Variants in SNX29 observed in about 807,000 individuals in gnomAD.
SNX29 encodes the protein sorting nexin-29.
SNX29 carries 78 observed loss-of-function variants against 102.1 expected under a neutral mutation model. The observed-to-expected ratio is 0.76, with a 90% CI of 0.64 to 0.92. The LOEUF (loss-of-function observed/expected upper bound fraction) is 0.92, where lower values mean the gene tolerates loss of function less well. Among genes scored for constraint, SNX29 ranks in the 40% least tolerant of loss-of-function variants. The pLI is 0.00. For missense variants in SNX29, 1,280 were observed against 1,061.7 expected (o/e 1.21, Z -2.86); for synonymous variants, 580 against 414.5 (o/e 1.40, Z -4.85).
At chr16:12,500,245 G>T (rs1331555320) in intron 19 of SNX29, among the ~76,000 whole-genome samples, 1 of 152,158 alleles carries the variant, frequency 6.6e-6, no homozygotes, top group Non-Finnish European at 1.5e-5. Context: ...CAAACCTCGT[G>T]CCTCAGTCTC....
intron 18 of SNX29, among the ~76,000 whole-genome samples, chr16:12,453,929 C>G (rs1022607141): frequency 1.3e-5 from 2 of 152,064 alleles, no homozygotes; most frequent in Non-Finnish European, 2.9e-5. Flanking sequence ...CTGCTAGTTG[C>G]TTGCTGAAAA....
At chr16:12,007,555 C>T (rs980197711) in intron 3 of SNX29, among the ~76,000 whole-genome samples, 34 of 152,176 alleles carry the variant, frequency 2.2e-4, no homozygotes, top group Admixed American at 9.8e-4. Context: ...GGAAAGTCAG[C>T]GAACATTTAA....
At chr16:12,286,957 G>T (rs184091762) in intron 15 of SNX29, among the ~76,000 whole-genome samples, 11 of 152,272 alleles carry the variant, frequency 7.2e-5, no homozygotes, top group African/African-American at 2.6e-4. Context: ...AAAGAGGCTC[G>T]TGCTAGTCCC....
chr16:12,240,585 C>CTTTTTTTTTTTTTTTTTTTTTT lies in SNX29; in HGVS notation c.1679-37342_1679-37321dup, dbSNP rs1180028807. Among the ~76,000 whole-genome samples, 5 of 64,804 alleles carry CTTTTTTTTTTTTTTTTTTTTTT rather than the reference C, an allele frequency of 7.7e-5. 1 individual carries two copies. Among genetic ancestry groups the CTTTTTTTTTTTTTTTTTTTTTT allele is most frequent in the African/African-American group, 1.7e-4 (3 of 17,666 alleles). The allele number at this position is 64,804 out of a possible 152,430, so 42.5% of individuals were successfully genotyped here. A position where few individuals can be genotyped will look rare whatever the true frequency, so the allele number is the denominator to read the frequency against. Reference sequence around the variant, plus strand: ...ATAAAATAGCATTTCTTTGTCATTTCTTTTTTTTTTTTTTTTTTTTTTTTT... The same window carrying CTTTTTTTTTTTTTTTTTTTTTT: ...ATAAAATAGCATTTCTTTGTCATTTCTTTTTTTTTTTTTTTTTTTTTTTTTTTTTTTTTTTTTTTTTTTTTTT... On this transcript the variant is annotated intron_variant, in intron 14 of 20. Coordinates refer to ENST00000566228, the MANE Select transcript of SNX29 (RefSeq NM_032167.5).
chr16:12,066,980 A>AAAATAAATAAATAAAT (rs34221283), intron 9 of SNX29, among the ~76,000 whole-genome samples: 1 of 133,674 alleles, frequency 7.5e-6, no homozygotes, highest in Non-Finnish European at 1.6e-5. Context: ...CCGTGTCTCT[A>AAAATAAATAAATAAAT]AAATAAATAA....
intron 15 of SNX29, among the ~76,000 whole-genome samples, chr16:12,292,723 G>A (rs75119896): frequency 0.025 from 3,853 of 152,332 alleles, 94 homozygotes; most frequent in Non-Finnish European, 0.044. Context: ...ATATGTAATA[G>A]TGAGACTTAG....
At chr16:12,085,267 C>CAG (rs963961171) in intron 11 of SNX29, among the ~76,000 whole-genome samples, 21 of 152,262 alleles carry the variant, frequency 1.4e-4, no homozygotes, top group Admixed American at 1.4e-3. Context: ...GTTAAGAACA[C>CAG]AGCAGGTCCG....
In SNX29 at chr16:12,569,928, A is replaced by T; in HGVS notation, c.*1299A>T. On this transcript the variant is annotated 3_prime_UTR_variant, in exon 21 of 21. Transcript: ENST00000566228. ...GGCAGAGACACAGCAGAACCTGAGG[A>T]GAAAAGCAGGTGGAAGGTGACGGTT... 1 of 232,926 alleles carries T rather than the reference A, an allele frequency of 4.3e-6. No individual in the cohort carries two copies. Among genetic ancestry groups the T allele is most frequent in the Non-Finnish European group, 8.5e-6 (1 of 117,968 alleles). The allele number at this position is 232,926 out of a possible 1,614,324, so 14.4% of individuals were successfully genotyped here. A position where few individuals can be genotyped will look rare whatever the true frequency, so the allele number is the denominator to read the frequency against.
chr16:12,245,074 C>G (rs1216395322), intron 14 of SNX29, among the ~76,000 whole-genome samples: 1 of 152,000 alleles, frequency 6.6e-6, no homozygotes, highest in Non-Finnish European at 1.5e-5. Flanking sequence ...ACATTGATTC[C>G]CCGCCCCCCT....
intron 18 of SNX29, among the ~76,000 whole-genome samples, chr16:12,472,667 C>T (rs1162301991): frequency 6.6e-6 from 1 of 152,026 alleles, no homozygotes; most frequent in African/African-American, 2.4e-5. Context: ...AGACGCTCTT[C>T]ATCTTCTAAA....
intron 14 of SNX29, among the ~76,000 whole-genome samples, chr16:12,204,241 G>A (rs2076989711): frequency 6.6e-6 from 1 of 152,132 alleles, no homozygotes; most frequent in South Asian, 2.1e-4. Flanking sequence ...GGACTTTTTG[G>A]TAATAGGGGC....
chr16:12,110,313 G>A (rs117886861), intron 11 of SNX29, among the ~76,000 whole-genome samples: 300 of 152,194 alleles, frequency 2.0e-3, no homozygotes, highest in South Asian at 6.2e-3. Flanking sequence ...TGTGTCTAAC[G>A]TCTCCTGCAG....
chr16:12,438,053 G>A (rs1277102180), intron 18 of SNX29, among the ~76,000 whole-genome samples: 1 of 152,186 alleles, frequency 6.6e-6, no homozygotes, highest in Non-Finnish European at 1.5e-5. Flanking sequence ...AGGGGCTGCT[G>A]GCTTACTGAG....
intron 16 of SNX29, among the ~76,000 whole-genome samples, chr16:12,390,850 G>T (rs1376303221): frequency 6.6e-6 from 1 of 150,800 alleles, no homozygotes; most frequent in Non-Finnish European, 1.5e-5. Context: ...CAGAGCTCAG[G>T]CCCAGCTGAC....
chr16:12,538,382 G>C (rs553782467), intron 20 of SNX29, among the ~76,000 whole-genome samples: 1 of 152,118 alleles, frequency 6.6e-6, no homozygotes, highest in African/African-American at 2.4e-5. Flanking sequence ...GAGCCACCGC[G>C]CCCGGCCTCC....
rs146723536 is a variant in SNX29 at position 12,147,559 on chromosome 16, G to A, written c.1595+17801G>A. ...CCAGGAAAGGTGAACAATGGGAAGA[G>A]AGGTGTGGCCACTAAGTAAATGCTG... On this transcript the variant is annotated intron_variant, in intron 13 of 20. Coordinates refer to ENST00000566228, the MANE Select transcript of SNX29 (RefSeq NM_032167.5). Among the ~76,000 whole-genome samples the A allele has an allele frequency of 9.6e-3, 1,456 of 152,278 alleles. 7 individuals are homozygous for A. Among genetic ancestry groups the A allele is most frequent in the Non-Finnish European group, 0.013 (885 of 68,028 alleles).
chr16:12,277,057 C>CT (rs759987478), intron 14 of SNX29, among the ~76,000 whole-genome samples: 2 of 152,112 alleles, frequency 1.3e-5, no homozygotes, highest in Non-Finnish European at 2.9e-5. Flanking sequence ...CACTGGATCA[C>CT]TTTTTTGTTG....
intron 19 of SNX29, among the ~76,000 whole-genome samples, chr16:12,501,937 G>A (rs907283465): frequency 6.6e-6 from 1 of 152,126 alleles, no homozygotes; most frequent in Non-Finnish European, 1.5e-5. Context: ...CAGGCAGAGT[G>A]GATACCAGGG....
At chr16:12,014,617 AGCTTCT>A (rs2056785989) in intron 3 of SNX29, among the ~76,000 whole-genome samples, 2 of 151,502 alleles carry the variant, frequency 1.3e-5, no homozygotes, top group South Asian at 4.2e-4. Context: ...CTGTAATCCT[AGCTTCT>A]CAGGAGGCTG....
Sources: gnomAD v4.1 joint callset for allele counts (sites outside exome capture counted in the v4.1 genomes callset) on GRCh38, gnomAD v4.1.1 for gene constraint, MANE v1.5 for transcripts, NCBI Gene and HGNC (gene_info 2026-07-23, HGNC 2026-07-21) for gene names.